The following CTBP2 variants were observed in gnomAD, a reference collection of about 807,000 sequenced individuals.
The protein encoded by CTBP2 is C-terminal-binding protein 2.
A neutral mutation model predicts 80.3 loss-of-function variants in CTBP2; 30 were observed. The ratio of observed to expected loss-of-function variants is 0.37; its 90% confidence interval spans 0.28 to 0.51. The LOEUF (loss-of-function observed/expected upper bound fraction) is 0.51. CTBP2 is among the 20% of genes least tolerant of loss of function. The pLI is 0.93. For missense variants in CTBP2, 1,212 were observed against 1,375.3 expected, an observed-to-expected ratio of 0.88 and a Z score of 1.88; for synonymous variants, 594 against 587.4, an observed-to-expected ratio of 1.01 and a Z score of -0.16.
chr10:125,127,518 G>A (rs1345122268), intron 1 of CTBP2, among the ~76,000 whole-genome samples: 1 of 152,182 alleles, frequency 6.6e-6, no homozygotes, highest in Admixed American at 6.5e-5. Context: ...CAATTGGCTC[G>A]GTGTTTGGTG....
intron 2 of CTBP2, among the ~76,000 whole-genome samples, chr10:125,061,773 C>T (rs576851878): frequency 3.9e-5 from 6 of 152,248 alleles, no homozygotes; most frequent in Non-Finnish European, 4.4e-5. Context: ...CACCTCCTCA[C>T]GGTCACTGCA....
intron 2 of CTBP2, among the ~76,000 whole-genome samples, chr10:125,105,118 G>A (rs1851256011): frequency 6.6e-6 from 1 of 152,198 alleles, no homozygotes; most frequent in East Asian, 1.9e-4. Flanking sequence ...TGGCCACCCA[G>A]GCATAGGCAG....
intron 1 of CTBP2, among the ~76,000 whole-genome samples, chr10:125,145,511 C>T (rs938985704): frequency 3.3e-5 from 5 of 152,158 alleles, no homozygotes; most frequent in African/African-American, 7.2e-5. Flanking sequence ...GGGCAGGGCA[C>T]GGCAGGGGGC....
intron 2 of CTBP2, among the ~76,000 whole-genome samples, chr10:125,102,897 A>G (rs1315602404): frequency 1.3e-5 from 2 of 152,166 alleles, no homozygotes; most frequent in African/African-American, 4.8e-5. Context: ...CCCAGCTTGG[A>G]TGTAGTCAGG....
chr10:125,151,264 C>T (rs1035930737), intron 1 of CTBP2, among the ~76,000 whole-genome samples: 1 of 152,182 alleles, frequency 6.6e-6, no homozygotes, highest in Admixed American at 6.5e-5. Context: ...CGTCCTACCA[C>T]TCTGCGCTCG....
At chr10:125,149,418 G>A (rs747174104) in intron 1 of CTBP2, among the ~76,000 whole-genome samples, 3 of 152,108 alleles carry the variant, frequency 2.0e-5, no homozygotes, top group Non-Finnish European at 1.5e-5. Flanking sequence ...ACTTAAAATG[G>A]GCTGACTCTA....
chr10:125,043,360 G>T (rs184487296), intron 2 of CTBP2, among the ~76,000 whole-genome samples: 1 of 152,322 alleles, frequency 6.6e-6, no homozygotes, highest in Non-Finnish European at 1.5e-5. Flanking sequence ...TCTCTACCAA[G>T]CGCCCTTAAG....
intron 8 of CTBP2, among the ~76,000 whole-genome samples, chr10:124,990,172 G>A (rs191868535): frequency 5.1e-4 from 78 of 151,618 alleles, no homozygotes; most frequent in Admixed American, 8.6e-4. Context: ...AGCCTCCCAA[G>A]TAGCTGGGAC....
At chr10:125,005,278 G>A (rs540957505) in intron 1 of CTBP2, among the ~76,000 whole-genome samples, 29 of 152,148 alleles carry the variant, frequency 1.9e-4, no homozygotes, top group Non-Finnish European at 4.0e-4. Flanking sequence ...AGCCAGCCCC[G>A]CATGGCCCCC....
At chr10:125,042,658 T>A (rs1199206462) in intron 2 of CTBP2, among the ~76,000 whole-genome samples, 1 of 151,986 alleles carries the variant, frequency 6.6e-6, no homozygotes, top group East Asian at 1.9e-4. Flanking sequence ...TGTCCCAGAG[T>A]GGCAGTGAGG....
At position 124,985,381 on chromosome 10, in the gene CTBP2, T is replaced by TG. The variant is rs1307424325; in HGVS notation, c.*4136dup. 6.1e-6 allele frequency: 1 copy of TG among 164,302 alleles called. No individual in the cohort carries two copies. The highest frequency in any genetic ancestry group is 2.4e-5 in the African/African-American group (1 of 41,788). The allele number at this position is 164,302 out of a possible 1,614,324, so 10.2% of individuals were successfully genotyped here. The stretch of plus-strand genomic sequence containing the variant: ...GCACTTAGAAAAAGCACATGGCAAA[T>TG]GGCTCTTTGTTCCTTTCAGATATTA... On this transcript the variant is annotated 3_prime_UTR_variant, in exon 9 of 9. Transcript: ENST00000309035.
intron 2 of CTBP2, among the ~76,000 whole-genome samples, chr10:125,093,816 C>T (rs1849143459): frequency 6.6e-6 from 1 of 152,176 alleles, no homozygotes; most frequent in Middle Eastern, 3.2e-3. Context: ...TGTAAAAACC[C>T]TCCCACGGCC....
At chr10:125,143,371 A>G (rs562405041) in intron 1 of CTBP2, among the ~76,000 whole-genome samples, 38 of 152,238 alleles carry the variant, frequency 2.5e-4, no homozygotes, top group Middle Eastern at 3.4e-3. Flanking sequence ...CCACCTACTC[A>G]GGAGGCTGAG....
chr10:125,060,033 G>A (rs1481740827), intron 2 of CTBP2, among the ~76,000 whole-genome samples: 1 of 152,298 alleles, frequency 6.6e-6, no homozygotes, highest in African/African-American at 2.4e-5. Flanking sequence ...CTTCCCGGGG[G>A]CCAAAGGCTC....
chr10:125,017,467 G>T (rs1956610132), intron 1 of CTBP2, among the ~76,000 whole-genome samples: 2 of 152,116 alleles, frequency 1.3e-5, no homozygotes, highest in Admixed American at 6.5e-5. Context: ...TTGTGTACAG[G>T]ATTGCACGGG....
intron 3 of CTBP2, among the ~76,000 whole-genome samples, chr10:125,001,984 G>A (rs568983136): frequency 8.5e-5 from 13 of 152,194 alleles, no homozygotes; most frequent in South Asian, 4.1e-4. Flanking sequence ...GAGCCCATCT[G>A]ACACCCAGCC....
intron 8 of CTBP2, among the ~76,000 whole-genome samples, chr10:124,991,110 C>A (rs879665885): frequency 6.6e-6 from 1 of 152,228 alleles, no homozygotes; most frequent in Non-Finnish European, 1.5e-5. Flanking sequence ...TTTTATATTG[C>A]AAGCACGAAG....
At chr10:125,074,029 A>G (rs1845918658) in intron 2 of CTBP2, among the ~76,000 whole-genome samples, 2 of 152,012 alleles carry the variant, frequency 1.3e-5, no homozygotes, top group Admixed American at 1.3e-4. Flanking sequence ...CCCCCTCAGC[A>G]CTGTTGGTAT....
At chr10:125,109,297 G>T (rs1041505748) in intron 2 of CTBP2, among the ~76,000 whole-genome samples, 3 of 152,180 alleles carry the variant, frequency 2.0e-5, no homozygotes, top group Non-Finnish European at 2.9e-5. Context: ...GAAAGAGCGT[G>T]GATGTCCAAC....
Sources: gnomAD v4.1 joint callset for allele counts (sites outside exome capture counted in the v4.1 genomes callset) on GRCh38, gnomAD v4.1.1 for gene constraint, MANE v1.5 for transcripts, NCBI Gene and HGNC (gene_info 2026-07-23, HGNC 2026-07-21) for gene names.